The following P2RY14 variants were observed in gnomAD, a reference collection of about 807,000 sequenced individuals.
P2RY14 encodes purinergic receptor P2Y14.
P2RY14 carries 2 observed loss-of-function variants against 0.9 expected under a neutral mutation model. The ratio of observed to expected loss-of-function variants is 2.16; its 90% CI spans 0.88 to 6.79. The LOEUF is 6.79. Among genes scored for constraint, P2RY14 ranks in the 30% most tolerant of loss-of-function variants. The pLI, the probability that P2RY14 is intolerant of heterozygous loss-of-function variation, is 0.05. For missense variants in P2RY14, 378 were observed against 400.1 expected (o/e 0.94, Z 0.47); for synonymous variants, 158 against 147.2 (o/e 1.07, Z -0.53).
intron 2 of P2RY14, among the ~76,000 whole-genome samples, chr3:151,215,932 A>G (rs142714110): frequency 3.9e-5 from 6 of 152,226 alleles, no homozygotes; most frequent in Non-Finnish European, 8.8e-5. Flanking sequence ...AACTGTTTCC[A>G]TACCTTCTTG....
At chr3:151,277,073 T>C (rs996762155) in intron 1 of P2RY14, among the ~76,000 whole-genome samples, 6 of 152,008 alleles carry the variant, frequency 3.9e-5, no homozygotes, top group African/African-American at 9.7e-5. Context: ...AATTTTTGTA[T>C]TTTTAGTGGA....
At chr3:151,247,156 C>G (rs1735733547) in intron 1 of P2RY14, among the ~76,000 whole-genome samples, 1 of 152,068 alleles carries the variant, frequency 6.6e-6, no homozygotes, top group South Asian at 2.1e-4. Flanking sequence ...CACTTTTACA[C>G]TGTTGGTGGG....
chr3:151,224,717 T>C (rs963267706), intron 1 of P2RY14, among the ~76,000 whole-genome samples: 1 of 152,186 alleles, frequency 6.6e-6, no homozygotes, highest in African/African-American at 2.4e-5. Flanking sequence ...AGTTTGACAC[T>C]CACCACACTT....
At chr3:151,251,805 A>G (rs959624230) in intron 1 of P2RY14, among the ~76,000 whole-genome samples, 22 of 152,166 alleles carry the variant, frequency 1.4e-4, no homozygotes, top group African/African-American at 4.6e-4. Flanking sequence ...ATTGCATTTT[A>G]AAAAATTTCA....
chr3:151,245,634 C>G (rs1438377481), intron 1 of P2RY14, among the ~76,000 whole-genome samples: 3 of 142,252 alleles, frequency 2.1e-5, no homozygotes, highest in African/African-American at 5.2e-5. Flanking sequence ...ATAATAAGAG[C>G]TATCTATGAC....
intron 1 of P2RY14, among the ~76,000 whole-genome samples, chr3:151,229,473 A>ATTT (rs59434401): frequency 8.0e-4 from 72 of 90,126 alleles, no homozygotes; most frequent in Non-Finnish European, 1.4e-3. Context: ...TGCCCGGCTA[A>ATTT]TTTTTTTTTT....
intron 1 of P2RY14, among the ~76,000 whole-genome samples, chr3:151,256,284 A>G (rs1401402540): frequency 1.3e-5 from 2 of 152,194 alleles, no homozygotes; most frequent in Non-Finnish European, 2.9e-5. Context: ...AACTCAAACT[A>G]TTACGGATGG....
rs1290652437 is a variant in P2RY14 at position 151,213,661 on chromosome 3, T to C, written c.656A>G (p.Lys219Arg). Residue 219 changes from lysine (K) to arginine (R), a missense_variant, in exon 3 of 3, where the codon AAG becomes AGG. Physicochemically the swap from Lys to Arg is conservative, Grantham distance 26. Coordinates refer to ENST00000309170, the MANE Select transcript of P2RY14 (RefSeq NM_014879.4). The part of the protein sequence containing the change: ...ITKKIFKSHL[K>R]SSRNSTSVKK... ...GACCGAAGTGGAATTCCGACTTGACTTAAGGTGGGACTTAAAGATTTTCTT... is the reference window on the plus strand; with the variant it reads ...GACCGAAGTGGAATTCCGACTTGACCTAAGGTGGGACTTAAAGATTTTCTT... 2 of 1,614,206 alleles carry C rather than the reference T, an allele frequency of 1.2e-6. No homozygotes were observed. Among genetic ancestry groups the C allele is most frequent in the Non-Finnish European group, 1.7e-6 (2 of 1,180,032 alleles).
intron 1 of P2RY14, among the ~76,000 whole-genome samples, chr3:151,231,252 C>A (rs1461787031): frequency 6.6e-6 from 1 of 152,204 alleles, no homozygotes; most frequent in Non-Finnish European, 1.5e-5. Flanking sequence ...ATTTTGCAAC[C>A]TCAGTGTGAT....
At chr3:151,220,689 C>T (rs898152972) in intron 1 of P2RY14, among the ~76,000 whole-genome samples, 18 of 152,196 alleles carry the variant, frequency 1.2e-4, no homozygotes, top group African/African-American at 4.3e-4. Flanking sequence ...TGAGACATGC[C>T]TGTCACCTTC....
At chr3:151,264,767 G>A (rs775799108) in intron 1 of P2RY14, among the ~76,000 whole-genome samples, 25 of 152,070 alleles carry the variant, frequency 1.6e-4, no homozygotes, top group Non-Finnish European at 3.1e-4. Flanking sequence ...CACCCAGTGC[G>A]TGTGTGTGTA....
chr3:151,277,479 CTATT>C (rs1422030729), intron 1 of P2RY14, among the ~76,000 whole-genome samples: 1 of 151,880 alleles, frequency 6.6e-6, no homozygotes, highest in East Asian at 1.9e-4. Context: ...AATATACAAA[CTATT>C]TATTTTTTTA....
At position 151,268,910 on chromosome 3, in the gene P2RY14, A is replaced by G. The variant is rs1244115410; in HGVS notation, c.-133+9377T>C. 4.6e-5 allele frequency among the ~76,000 whole-genome samples: 7 copies of G among 152,180 alleles called. No individual in the cohort carries two copies. In the South Asian group the frequency reaches 8.3e-4, roughly 18 times the overall value. ...TTAGTATGCAAAATTTTTTAGCCAC[A>G]AAACAAAAAAAATTAAGTTTTCTGA... On this transcript the variant is annotated intron_variant, in intron 1 of 2. Coordinates refer to ENST00000309170, the MANE Select transcript of P2RY14 (RefSeq NM_014879.4).
In P2RY14 at chr3:151,234,570, T is replaced by C. The variant is rs548895594; in HGVS notation, c.-132-14928A>G. 6.8e-4 allele frequency among the ~76,000 whole-genome samples: 103 copies of C among 152,328 alleles called. 1 individual carries two copies. The highest frequency in any genetic ancestry group is 3.4e-3 in the Middle Eastern group (1 of 294). ...CATAGTAGGTGCTGTATAAACTTTC[T>C]GATGAATGACCAAAAATATCCTTAT... On this transcript the variant is annotated intron_variant, in intron 1 of 2. Transcript: ENST00000309170.
At chr3:151,245,920 A>C (rs1340824737) in intron 1 of P2RY14, among the ~76,000 whole-genome samples, 5 of 151,596 alleles carry the variant, frequency 3.3e-5, no homozygotes, top group Non-Finnish European at 7.4e-5. Context: ...ACTTCAGCAA[A>C]GTCTCAGGAT....
intron 1 of P2RY14, among the ~76,000 whole-genome samples, chr3:151,234,814 C>T (rs1391651583): frequency 6.6e-6 from 1 of 152,212 alleles, no homozygotes; most frequent in Non-Finnish European, 1.5e-5. Context: ...ATCATTAACC[C>T]TGCTGTCAAG....
intron 1 of P2RY14, among the ~76,000 whole-genome samples, chr3:151,223,445 G>A (rs1044154202): frequency 5.9e-5 from 9 of 152,176 alleles, no homozygotes; most frequent in Non-Finnish European, 1.3e-4. Flanking sequence ...CAGCCTAGGT[G>A]CCTATCAATG....
In P2RY14 at chr3:151,248,626, G is replaced by A. The variant is rs555116240; in HGVS notation, c.-132-28984C>T. Among the ~76,000 whole-genome samples the A allele has an allele frequency of 7.9e-5, 12 of 152,156 alleles. No individual in the cohort carries two copies. In the South Asian group the frequency reaches 1.2e-3, roughly 16 times the overall value. Reference sequence around the variant, plus strand: ...AAATAGGAATTTCCTAATGCCTAATGTACAAGCCCCATGAAAGGAAATCAT... The same window carrying A: ...AAATAGGAATTTCCTAATGCCTAATATACAAGCCCCATGAAAGGAAATCAT... On this transcript the variant is annotated intron_variant, in intron 1 of 2. Transcript: ENST00000309170.
At chr3:151,233,680 C>T (rs1732164804) in intron 1 of P2RY14, among the ~76,000 whole-genome samples, 1 of 152,190 alleles carries the variant, frequency 6.6e-6, no homozygotes, top group Admixed American at 6.5e-5. Context: ...TTGTGGTGAG[C>T]CGAGATCGTG....
Sources: allele counts gnomAD v4.1 joint callset (sites outside exome capture counted in the v4.1 genomes callset), GRCh38; gene constraint gnomAD v4.1.1; transcripts MANE v1.5; gene names NCBI Gene and HGNC (gene_info 2026-07-23, HGNC 2026-07-21).